Variants in ITGAX observed in about 807,000 individuals in gnomAD.
The protein encoded by ITGAX is integrin alpha-X.
Under a neutral mutation model 140.2 loss-of-function variants are expected in ITGAX, and 99 were observed. The observed-to-expected ratio is 0.71, with a 90% CI of 0.60 to 0.83. ITGAX has a LOEUF of 0.83. Ranked by LOEUF, ITGAX falls within the 40% of genes least tolerant of loss-of-function variation. The pLI is 0.00. For synonymous variants in ITGAX, 631 were observed against 600.4 expected (o/e 1.05, Z -0.75); for missense variants, 1,444 against 1,482.0 (o/e 0.97, Z 0.42).
At chr16:31,370,121 A>G (rs1270815612) in intron 14 of ITGAX, 1 of 152,042 alleles carries the variant, frequency 6.6e-6, no homozygotes, top group Non-Finnish European at 1.5e-5. Flanking sequence ...ATGCCCAGCT[A>G]ATTTTTGTTT....
intron 24 of ITGAX, 32 bp from the exon 25 acceptor site, chr16:31,379,725 C>G (rs577398879): frequency 6.2e-7 from 1 of 1,602,306 alleles, no homozygotes; most frequent in South Asian, 1.1e-5. Context: ...TGGGCTTTGG[C>G]GTGGGCTCTG....
In ITGAX at chr16:31,355,233, C is replaced by A. The variant is rs770651326; in HGVS notation, c.-22C>A. On this transcript the variant is annotated 5_prime_UTR_variant, in exon 1 of 30. Coordinates refer to ENST00000268296, the MANE Select transcript of ITGAX (RefSeq NM_000887.5). Reference sequence around the variant, plus strand: ...CCTGCAACGGCCCAGGAGCTCAGAGCTCCACATCTGACCTTCTAGTCATGA... The same window carrying A: ...CCTGCAACGGCCCAGGAGCTCAGAGATCCACATCTGACCTTCTAGTCATGA... The A allele has an allele frequency of 6.2e-7, 1 of 1,613,538 alleles. No individual in the cohort carries two copies. The highest frequency in any genetic ancestry group is 1.3e-5 in the African/African-American group (1 of 74,926).
At position 31,371,085 on chromosome 16, in the gene ITGAX, G is replaced by A. The variant is rs745926416; in HGVS notation, c.1712G>A (p.Arg571Gln). Residue 571 changes from arginine to glutamine, a missense_variant and splice_region_variant, in exon 15 of 30, where the codon CGG becomes CAG. Transcript: ENST00000268296. ...GPSISPSHSQRIAGSQLSSRL... is the reference protein window; with the variant it reads ...GPSISPSHSQQIAGSQLSSRL... ...TTCACCCTTCTCTCCTCTGGCCAGCGGATCGCGGGCTCCCAGCTCTCCTCC... is the reference window on the plus strand; with the variant it reads ...TTCACCCTTCTCTCCTCTGGCCAGCAGATCGCGGGCTCCCAGCTCTCCTCC... The A allele has an allele frequency of 7.4e-6, 12 of 1,613,834 alleles. No homozygotes were observed. The Admixed American group carries it at 8.3e-5, about 11-fold the overall frequency.
chr16:31,357,086 C>G lies in ITGAX; in HGVS notation c.303C>G (p.Ser101Arg). ...SLGLSLASTTSPSQLLACGPT... is the reference protein window; with the variant it reads ...SLGLSLASTTRPSQLLACGPT... ...GCCTGTCCCTGGCGTCTACCACCAG[C>G]CCTTCCCAGCTGCTGGTGAGTGGCC... The change falls in exon 4 of 30, where the codon AGC becomes AGG. Residue 101 changes from serine (S) to arginine (R), a missense_variant. Coordinates refer to ENST00000268296, the MANE Select transcript of ITGAX (RefSeq NM_000887.5). The G allele has an allele frequency of 6.2e-7, 1 of 1,607,492 alleles. No individual in the cohort carries two copies. The highest frequency in any genetic ancestry group is 1.1e-5 in the South Asian group (1 of 90,758).
At position 31,359,838 on chromosome 16, in the gene ITGAX, T is replaced by C. The variant is rs745489546; in HGVS notation, c.561+8T>C. 5.0e-6 allele frequency: 8 copies of C among 1,613,916 alleles called. No homozygotes were observed. The Admixed American group carries it at 5.0e-5, about 10-fold the overall frequency. On this transcript the variant is annotated splice_region_variant and intron_variant, in intron 6 of 29. Coordinates refer to ENST00000268296, the MANE Select transcript of ITGAX (RefSeq NM_000887.5). ...CAGAGACCCAGCACCCAGGTGTGCC[T>C]TTGGGGGAGGGAGGCTGCTGGGGGT...
rs79921306 is a variant in ITGAX at position 31,372,322 on chromosome 16, G to A, written c.2161-56G>A. 658 of 1,562,282 alleles carry A rather than the reference G, an allele frequency of 4.2e-4. 2 individuals carry two copies. Among genetic ancestry groups the A allele is most frequent in the Non-Finnish European group, 5.4e-4 (632 of 1,164,332 alleles). On this transcript the variant is annotated intron_variant, in intron 17 of 29. Coordinates refer to ENST00000268296, the MANE Select transcript of ITGAX (RefSeq NM_000887.5). Reference sequence around the variant, plus strand: ...CAGGATAAGAACTGCGGATGAGGCCGAGCGCAGCTCTTACCCTCCCCTTAC... The same window carrying A: ...CAGGATAAGAACTGCGGATGAGGCCAAGCGCAGCTCTTACCCTCCCCTTAC...
chr16:31,368,607 T>A (rs12920910), intron 14 of ITGAX, among the ~76,000 whole-genome samples: 60,249 of 151,100 alleles, frequency 0.4, 13,734 homozygotes, highest in African/African-American at 0.63. Flanking sequence ...TTATTTATTT[T>A]TTTATTTTTT....
At chr16:31,366,020 T>C (rs939312250) in intron 14 of ITGAX, among the ~76,000 whole-genome samples, 3 of 152,222 alleles carry the variant, frequency 2.0e-5, no homozygotes, top group Non-Finnish European at 4.4e-5. Flanking sequence ...GGCCCACGTG[T>C]TGTCATGAAA....
At chr16:31,380,173 G>A in intron 26 of ITGAX, 93 bp from the exon 27 acceptor site, 1 of 1,524,438 alleles carries the variant, frequency 6.6e-7, no homozygotes, top group Non-Finnish European at 9.0e-7. Flanking sequence ...CTTGCATTCG[G>A]ATATGGCCGC....
At chr16:31,360,928 C>G in intron 8 of ITGAX, 135 bp from the exon 9 acceptor site, 3 of 818,788 alleles carry the variant, frequency 3.7e-6, no homozygotes, top group South Asian at 1.6e-5. Flanking sequence ...TGATGCTGTC[C>G]GGGCTTCGTG....
rs11150618 is a variant in ITGAX at position 31,361,524 on chromosome 16, C to T, written c.1012+311C>T. The T allele has an allele frequency of 3.4e-4, 234 of 680,346 alleles. 1 individual carries two copies. The African/African-American group carries it at 4.0e-3, about 12-fold the overall frequency. 42.1% of individuals were successfully genotyped at this position (680,346 alleles called of 1,614,324 possible). A position where few individuals can be genotyped will look rare whatever the true frequency, so the allele number is the denominator to read the frequency against. ...CCTTCCACCCACACCGGGCCCTACC[C>T]AGCCCACATCCCACCAGCCACTCAC... On this transcript the variant is annotated intron_variant, in intron 9 of 29. Coordinates refer to ENST00000268296, the MANE Select transcript of ITGAX (RefSeq NM_000887.5).
Position 31,369,279 on chromosome 16 carries a change from C to T in ITGAX, c.1711-1805C>T, listed in dbSNP as rs1483939107. Among the ~76,000 whole-genome samples, 19 of 119,550 alleles carry T rather than the reference C, an allele frequency of 1.6e-4. 2 individuals are homozygous for T. The highest frequency in any genetic ancestry group is 5.5e-4 in the African/African-American group (14 of 25,274). The allele number at this position is 119,550 out of a possible 152,430, so 78.4% of individuals were successfully genotyped here. A position where few individuals can be genotyped will look rare whatever the true frequency, so the allele number is the denominator to read the frequency against. On this transcript the variant is annotated intron_variant, in intron 14 of 29. Transcript: ENST00000268296. ...CTCCTGGACGAGGCAGCTGGCCGGG[C>T]GGGGGGCTGACCCCCCCCCCCACCT...
Position 31,382,606 on chromosome 16 carries a change from G to A in ITGAX, c.*699G>A, listed in dbSNP as rs2081080133. ...TCACCCTCGTTTCCAGTGAATTAGTGTCATGTCAGCATCAGCTCAGGGCTT... is the reference window on the plus strand; with the variant it reads ...TCACCCTCGTTTCCAGTGAATTAGTATCATGTCAGCATCAGCTCAGGGCTT... On this transcript the variant is annotated 3_prime_UTR_variant, in exon 30 of 30. Coordinates refer to ENST00000268296, the MANE Select transcript of ITGAX (RefSeq NM_000887.5). 2 of 710,774 alleles carry A rather than the reference G, an allele frequency of 2.8e-6. No individual in the cohort carries two copies. Among genetic ancestry groups the A allele is most frequent in the South Asian group, 1.5e-5 (1 of 67,422 alleles). 44.0% of individuals were successfully genotyped at this position (710,774 alleles called of 1,614,324 possible).
chr16:31,356,113 A>C lies in ITGAX; in HGVS notation c.143+115A>C. Reference sequence around the variant, plus strand: ...ACTCTCCTCTCTGTCTGGTGTAGCGACTGCCCTGGCTAATGAAGATTTGCC... The same window carrying C: ...ACTCTCCTCTCTGTCTGGTGTAGCGCCTGCCCTGGCTAATGAAGATTTGCC... On this transcript the variant is annotated intron_variant, in intron 2 of 29. Transcript: ENST00000268296. The C allele has an allele frequency of 4.2e-6, 3 of 714,564 alleles. No individual in the cohort carries two copies. The South Asian group carries it at 5.4e-5, about 13-fold the overall frequency. 44.3% of individuals were successfully genotyped at this position (714,564 alleles called of 1,614,324 possible).
At position 31,357,247 on chromosome 16, in the gene ITGAX, C is replaced by T. The variant is rs1365745609; in HGVS notation, c.319-6C>T. 1.4e-5 allele frequency: 22 copies of T among 1,596,524 alleles called. No individual in the cohort carries two copies. The highest frequency in any genetic ancestry group is 1.8e-5 in the Non-Finnish European group (21 of 1,170,790). ...GCAGCCCCCCAGCAGCCCGCTGTGT[C>T]CCCAGGCCTGCGGCCCCACCGTGCA... On this transcript the variant is annotated splice_region_variant and splice_polypyrimidine_tract_variant and intron_variant, in intron 4 of 29. Transcript: ENST00000268296.
intron 9 of ITGAX, 77 bp downstream of exon 9, chr16:31,361,290 G>A (rs1040389254): frequency 9.9e-5 from 145 of 1,463,202 alleles, no homozygotes; most frequent in Non-Finnish European, 1.2e-4. Flanking sequence ...GAGGCTCCGT[G>A]AAACAGGTAG....
In ITGAX at chr16:31,379,996, G is replaced by A; in HGVS notation, c.2991G>A (p.Arg997=). 4 of 1,614,086 alleles carry A rather than the reference G, an allele frequency of 2.5e-6. No individual in the cohort carries two copies. The highest frequency in any genetic ancestry group is 3.4e-6 in the Non-Finnish European group (4 of 1,179,990). Residue 997 remains arginine (R), a synonymous_variant, in exon 26 of 30, where the codon CGG becomes CGA. Transcript: ENST00000268296. ...TTTTCCCCCAGAACCCATCCCTTCG[G>A]TGCTCCTCAGAGAAAATCGCACCCC... ...EVSHPQNPSL[R]CSSEKIAPPA...
intron 6 of ITGAX, 31 bp downstream of exon 6, chr16:31,359,861 G>A: frequency 1.2e-6 from 2 of 1,614,008 alleles, no homozygotes; most frequent in Non-Finnish European, 8.5e-7. Context: ...GGCTGCTGGG[G>A]GTGGGTGCTT....
intron 2 of ITGAX, chr16:31,356,229 C>T (rs552277406): frequency 1.7e-4 from 83 of 498,552 alleles, no homozygotes; most frequent in Non-Finnish European, 2.6e-4. Context: ...TTAGTCCACA[C>T]GACAGCCTGT....
Sources: gnomAD v4.1 joint callset for allele counts (sites outside exome capture counted in the v4.1 genomes callset) on GRCh38, gnomAD v4.1.1 for gene constraint, MANE v1.5 for transcripts, NCBI Gene and HGNC (gene_info 2026-07-23, HGNC 2026-07-21) for gene names.